Variants in ZNF562 observed in about 807,000 individuals in gnomAD.
ZNF562 encodes zinc finger protein 562.
A neutral mutation model predicts 17.5 loss-of-function variants in ZNF562; 13 were observed. That is an observed-to-expected ratio of 0.74 (90% CI 0.48 to 1.18). ZNF562 has a LOEUF of 1.18. Ranked by LOEUF, ZNF562 falls within the 50% of genes most tolerant of loss-of-function variation. The pLI, the probability that ZNF562 is intolerant of heterozygous loss-of-function variation, is 0.00. For synonymous variants in ZNF562, 163 were observed against 165.4 expected (o/e 0.99, Z 0.11); for missense variants, 481 against 498.5 (o/e 0.96, Z 0.33).
chr19:9,668,816 C>T (rs890334355), intron 1 of ZNF562, among the ~76,000 whole-genome samples: 1 of 152,076 alleles, frequency 6.6e-6, no homozygotes, highest in South Asian at 2.1e-4. Flanking sequence ...TACAAATCTA[C>T]ACATGTACAG....
chr19:9,667,581 T>C (rs539474140), intron 1 of ZNF562, among the ~76,000 whole-genome samples: 5 of 152,152 alleles, frequency 3.3e-5, no homozygotes, highest in Admixed American at 1.3e-4. Context: ...ATTAGCCATG[T>C]TTGCCAATGA....
rs1376376131 is a variant in ZNF562 at position 9,644,434 on chromosome 19, A to T, written c.*8515T>A. 1 of 152,086 alleles carries T rather than the reference A, an allele frequency of 6.6e-6. No homozygotes were observed. The highest frequency in any genetic ancestry group is 1.5e-5 in the Non-Finnish European group (1 of 68,014). 9.4% of individuals were successfully genotyped at this position (152,086 alleles called of 1,614,324 possible). On this transcript the variant is annotated 3_prime_UTR_variant, in exon 6 of 6. Transcript: ENST00000453372. ...AGTGAGATACCTTCTCTACCAAAAT[A>T]AAAAAGTGTGAGTTTAGGTGCTGTG...
rs1156913465 is a variant in ZNF562, at chr19:9,652,556, A to G, written c.*393T>C. 1 of 162,632 alleles carries G rather than the reference A, an allele frequency of 6.1e-6. No individual in the cohort carries two copies. Among genetic ancestry groups the G allele is most frequent in the Admixed American group, 6.1e-5 (1 of 16,508 alleles). 10.1% of individuals were successfully genotyped at this position (162,632 alleles called of 1,614,324 possible). On this transcript the variant is annotated 3_prime_UTR_variant, in exon 6 of 6. Coordinates refer to ENST00000453372, the MANE Select transcript of ZNF562 (RefSeq NM_001130031.2). ...TCACCAAGGTGAGGCAGCCTGCAGT[A>G]CTGACCTCACCATCCATGACCCTTC...
chr19:9,649,975 G>A lies in ZNF562; in HGVS notation c.*2974C>T, dbSNP rs1394005783. The A allele has an allele frequency of 1.3e-5, 2 of 152,038 alleles. No individual in the cohort carries two copies. The highest frequency in any genetic ancestry group is 1.5e-5 in the Non-Finnish European group (1 of 68,014). 9.4% of individuals were successfully genotyped at this position (152,038 alleles called of 1,614,324 possible). A position where few individuals can be genotyped will look rare whatever the true frequency, so the allele number is the denominator to read the frequency against. ...TTAAAATTTCTCTCTTTTGTACTCT[G>A]TCCCTTTATTTCTCAAGTTGGCTGA... On this transcript the variant is annotated 3_prime_UTR_variant, in exon 6 of 6. Coordinates refer to ENST00000453372, the MANE Select transcript of ZNF562 (RefSeq NM_001130031.2).
chr19:9,665,331 G>A (rs2043915065), intron 1 of ZNF562, among the ~76,000 whole-genome samples: 1 of 151,750 alleles, frequency 6.6e-6, no homozygotes, highest in Admixed American at 6.6e-5. Flanking sequence ...CCTTAATCCA[G>A]CACCAAGAAT....
chr19:9,668,600 AT>A (rs2044036205), intron 1 of ZNF562, among the ~76,000 whole-genome samples: 1 of 152,196 alleles, frequency 6.6e-6, no homozygotes, highest in South Asian at 2.1e-4. Flanking sequence ...CATCGCAAAA[AT>A]AGAAAAAAAA....
At chr19:9,669,730 G>A (rs372219800) in intron 1 of ZNF562, among the ~76,000 whole-genome samples, 6,671 of 86,376 alleles carry the variant, frequency 0.077, 226 homozygotes, top group African/African-American at 0.12. Context: ...GCGCGCGCGC[G>A]CGCGCACACA....
intron 4 of ZNF562, among the ~76,000 whole-genome samples, chr19:9,656,871 A>AAATATATATATAT (rs376933513): frequency 3.2e-4 from 46 of 142,440 alleles, no homozygotes; most frequent in African/African-American, 1.1e-3. Context: ...AAAATACAAA[A>AAATATATATATAT]ATATATATAT....
chr19:9,670,538 A>G (rs1267418790), intron 1 of ZNF562, among the ~76,000 whole-genome samples: 3 of 152,208 alleles, frequency 2.0e-5, no homozygotes, highest in Admixed American at 1.3e-4. Flanking sequence ...GCAACTGGAT[A>G]GAACTGGAGG....
Position 9,646,508 on chromosome 19 carries a change from GA to G in ZNF562, c.*6440del, listed in dbSNP as rs1231787318. The G allele has an allele frequency of 6.6e-6, 1 of 152,108 alleles. No individual in the cohort carries two copies. The allele number at this position is 152,108 out of a possible 1,614,324, so 9.4% of individuals were successfully genotyped here. A position where few individuals can be genotyped will look rare whatever the true frequency, so the allele number is the denominator to read the frequency against. Reference sequence around the variant, plus strand: ...AATATCTAACAGAATTAGTGGAACAGAAAACATGCAAGAAATAGTGTAGATT... The same window carrying G: ...AATATCTAACAGAATTAGTGGAACAGAAACATGCAAGAAATAGTGTAGATT... On this transcript the variant is annotated 3_prime_UTR_variant, in exon 6 of 6. Coordinates refer to ENST00000453372, the MANE Select transcript of ZNF562 (RefSeq NM_001130031.2).
At chr19:9,671,582 C>T (rs758637770) in intron 1 of ZNF562, among the ~76,000 whole-genome samples, 18 of 152,234 alleles carry the variant, frequency 1.2e-4, no homozygotes, top group South Asian at 2.1e-4. Context: ...TAACGCCCCA[C>T]ACAGTTACCT....
At chr19:9,656,439 T>G (rs888716213) in intron 5 of ZNF562, 108 bp downstream of exon 5, 3 of 1,188,802 alleles carry the variant, frequency 2.5e-6, no homozygotes, top group South Asian at 1.3e-5. Flanking sequence ...AACCTGGGAG[T>G]TGGAGGTTGC....
chr19:9,669,484 A>G (rs905043830), intron 1 of ZNF562, among the ~76,000 whole-genome samples: 1 of 152,146 alleles, frequency 6.6e-6, no homozygotes, highest in Non-Finnish European at 1.5e-5. Context: ...TGGTGAAAAG[A>G]TAATCCTTGT....
At position 9,652,759 on chromosome 19, in the gene ZNF562, C is replaced by A; in HGVS notation, c.*190G>T. On this transcript the variant is annotated 3_prime_UTR_variant, in exon 6 of 6. Coordinates refer to ENST00000453372, the MANE Select transcript of ZNF562 (RefSeq NM_001130031.2). ...ATAATTAAAGATGGCAACCAATGGGCTAAATGGTAACAACACTCATATCCT... is the reference window on the plus strand; with the variant it reads ...ATAATTAAAGATGGCAACCAATGGGATAAATGGTAACAACACTCATATCCT... The A allele has an allele frequency of 2.0e-6, 1 of 493,720 alleles. No individual in the cohort carries two copies. The highest frequency in any genetic ancestry group is 3.3e-5 in the East Asian group (1 of 30,036). 30.6% of individuals were successfully genotyped at this position (493,720 alleles called of 1,614,324 possible). A position where few individuals can be genotyped will look rare whatever the true frequency, so the allele number is the denominator to read the frequency against.
intron 1 of ZNF562, among the ~76,000 whole-genome samples, chr19:9,667,521 A>G (rs998179676): frequency 6.6e-6 from 1 of 152,174 alleles, no homozygotes; most frequent in African/African-American, 2.4e-5. Flanking sequence ...GGCCAGAGCA[A>G]TTAGGCAAGA....
intron 1 of ZNF562, among the ~76,000 whole-genome samples, chr19:9,674,119 T>C (rs550322223): frequency 3.3e-5 from 5 of 152,190 alleles, no homozygotes; most frequent in Admixed American, 6.5e-5. Flanking sequence ...CCCCGATGGC[T>C]AGGGTTAGAC....
Position 9,647,396 on chromosome 19 carries a change from TA to T in ZNF562, c.*5552del, listed in dbSNP as rs950946549. ...CTCCCAGCCTGATAACTGTTTTATT[TA>T]TTTATTTTTATTTTTTTGGAGATAT... On this transcript the variant is annotated 3_prime_UTR_variant, in exon 6 of 6. Transcript: ENST00000453372. 2 of 152,088 alleles carry T rather than the reference TA, an allele frequency of 1.3e-5. No individual in the cohort carries two copies. The highest frequency in any genetic ancestry group is 4.8e-5 in the African/African-American group (2 of 41,404). The allele number at this position is 152,088 out of a possible 1,614,324, so 9.4% of individuals were successfully genotyped here. A position where few individuals can be genotyped will look rare whatever the true frequency, so the allele number is the denominator to read the frequency against.
At position 9,643,906 on chromosome 19, in the gene ZNF562, C is replaced by T. The variant is rs1299395943; in HGVS notation, c.*9043G>A. The T allele has an allele frequency of 6.6e-6, 1 of 151,772 alleles. No individual in the cohort carries two copies. The highest frequency in any genetic ancestry group is 1.5e-5 in the Non-Finnish European group (1 of 67,938). The allele number at this position is 151,772 out of a possible 1,614,324, so 9.4% of individuals were successfully genotyped here. ...GTGTGATCTCGGTTCACTGTAACCT[C>T]CTGCCTCAGCCTCCCGAGTAGCTAG... On this transcript the variant is annotated 3_prime_UTR_variant, in exon 6 of 6. Transcript: ENST00000453372.
At position 9,645,867 on chromosome 19, in the gene ZNF562, A is replaced by G. The variant is rs2074802682; in HGVS notation, c.*7082T>C. The G allele has an allele frequency of 6.6e-6, 1 of 152,222 alleles. No individual in the cohort carries two copies. The highest frequency in any genetic ancestry group is 2.1e-4 in the South Asian group (1 of 4,826). 9.4% of individuals were successfully genotyped at this position (152,222 alleles called of 1,614,324 possible). ...AAAATTGTTATTTATGGTAACAACG[A>G]AAAGTAACATACAAATTTCAAACAT... On this transcript the variant is annotated 3_prime_UTR_variant, in exon 6 of 6. Coordinates refer to ENST00000453372, the MANE Select transcript of ZNF562 (RefSeq NM_001130031.2).
Sources: allele counts gnomAD v4.1 joint callset (sites outside exome capture counted in the v4.1 genomes callset), GRCh38; gene constraint gnomAD v4.1.1; transcripts MANE v1.5; gene names NCBI Gene and HGNC (gene_info 2026-07-23, HGNC 2026-07-21).